SGCD: variants seen among roughly 807,000 people sequenced by gnomAD.
SGCD encodes the protein sarcoglycan delta.
In SGCD, 18 loss-of-function variants were observed where a neutral mutation model predicts 36.6. The observed-to-expected ratio is 0.49, with a 90% CI of 0.34 to 0.73. The LOEUF (loss-of-function observed/expected upper bound fraction) is 0.73. Among genes scored for constraint, SGCD ranks in the 30% least tolerant of loss-of-function variants. The pLI, the probability that SGCD is intolerant of heterozygous loss-of-function variation, is 0.01. For missense variants in SGCD, 387 were observed against 346.7 expected, an observed-to-expected ratio of 1.12 and a Z score of -0.92; for synonymous variants, 133 against 130.6, an observed-to-expected ratio of 1.02 and a Z score of -0.12.
In SGCD at chr5:156,606,952, C is replaced by T. The variant is rs1002052528; in HGVS notation, c.502+11901C>T. On this transcript the variant is annotated intron_variant, in intron 6 of 8. Coordinates refer to ENST00000337851, the MANE Select transcript of SGCD (RefSeq NM_000337.6). ...AGCTTAAGGAGATTTTGGGCTGAGA[C>T]GATGGGGTTTTCTGGATATACAATC... Among the ~76,000 whole-genome samples the T allele has an allele frequency of 1.1e-4, 17 of 152,250 alleles. 1 individual carries two copies. The South Asian group carries it at 3.1e-3, about 28-fold the overall frequency.
At chr5:156,495,979 C>T (rs1193575518) in intron 3 of SGCD, among the ~76,000 whole-genome samples, 1 of 152,122 alleles carries the variant, frequency 6.6e-6, no homozygotes, top group Non-Finnish European at 1.5e-5. Context: ...TCTGAGTGCT[C>T]ATTGGGAGTG....
intron 3 of SGCD, among the ~76,000 whole-genome samples, chr5:156,375,614 A>G (rs987734554): frequency 6.6e-6 from 1 of 152,174 alleles, no homozygotes; most frequent in Admixed American, 6.5e-5. Context: ...GCCGTGGAAA[A>G]TAAAGATGTT....
chr5:156,100,788 C>T (rs1480129036), intron 1 of SGCD, among the ~76,000 whole-genome samples: 1 of 152,120 alleles, frequency 6.6e-6, no homozygotes, highest in Admixed American at 6.6e-5. Context: ...TATTTGAATA[C>T]CTTTGATATT....
At chr5:156,385,429 G>A (rs1470662380) in intron 3 of SGCD, among the ~76,000 whole-genome samples, 2 of 152,192 alleles carry the variant, frequency 1.3e-5, no homozygotes, top group African/African-American at 4.8e-5. Flanking sequence ...CAGGGTGGGG[G>A]AAGCAACATA....
intron 5 of SGCD, among the ~76,000 whole-genome samples, chr5:156,589,708 A>G (rs1379947392): frequency 6.6e-6 from 1 of 152,176 alleles, no homozygotes; most frequent in African/African-American, 2.4e-5. Context: ...AAAGCCAGGG[A>G]CCATACTTTA....
chr5:155,846,553 G>A, the SGCD span, among the ~76,000 whole-genome samples: 2 of 152,076 alleles, frequency 1.3e-5, no homozygotes, highest in Admixed American at 1.3e-4. Context: ...TTCACATTCT[G>A]TTATACTCTG....
At chr5:155,968,127 C>T (rs1438665225) in intron 1 of SGCD, among the ~76,000 whole-genome samples, 3 of 152,058 alleles carry the variant, frequency 2.0e-5, no homozygotes, top group Non-Finnish European at 4.4e-5. Context: ...TCATCACTTT[C>T]TCAGAATTAA....
intron 7 of SGCD, among the ~76,000 whole-genome samples, chr5:156,651,507 C>T (rs1255489888): frequency 6.6e-6 from 1 of 152,018 alleles, no homozygotes; most frequent in East Asian, 1.9e-4. Context: ...CAGTTTTATT[C>T]TTCTGCATGT....
At chr5:156,451,722 C>T (rs1399595699) in intron 3 of SGCD, among the ~76,000 whole-genome samples, 2 of 152,234 alleles carry the variant, frequency 1.3e-5, no homozygotes, top group East Asian at 3.9e-4. Context: ...AATAGTTAAC[C>T]TGATGTGCAG....
At chr5:156,513,431 C>A (rs1757027541) in intron 4 of SGCD, among the ~76,000 whole-genome samples, 1 of 152,142 alleles carries the variant, frequency 6.6e-6, no homozygotes, top group African/African-American at 2.4e-5. Context: ...CTGTAGACTA[C>A]CTCTGGGGGC....
chr5:156,020,035 C>T (rs753196188), intron 1 of SGCD, among the ~76,000 whole-genome samples: 4 of 152,284 alleles, frequency 2.6e-5, no homozygotes, highest in East Asian at 1.9e-4. Flanking sequence ...TCCTCTGCCT[C>T]GAATTCCCTT....
intron 1 of SGCD, among the ~76,000 whole-genome samples, chr5:155,990,721 C>T (rs138463810): frequency 6.6e-6 from 1 of 152,140 alleles, no homozygotes; most frequent in Non-Finnish European, 1.5e-5. Context: ...CTTACTACAT[C>T]AAGTATTCCA....
intron 3 of SGCD, among the ~76,000 whole-genome samples, chr5:156,419,406 C>T (rs1351378619): frequency 6.6e-6 from 1 of 152,142 alleles, no homozygotes; most frequent in Non-Finnish European, 1.5e-5. Context: ...AGCTAAGGAA[C>T]TGGTGTTCTG....
intron 6 of SGCD, among the ~76,000 whole-genome samples, chr5:156,604,773 A>ATATACACATTTTATATGTATATATACATG (rs1181227263): frequency 6.7e-6 from 1 of 148,502 alleles, no homozygotes; most frequent in Non-Finnish European, 1.5e-5. Context: ...ATATATACAT[A>ATATACACATTTTATATGTATATATACATG]TATACACATT....
the SGCD span, among the ~76,000 whole-genome samples, chr5:155,864,246 G>C: frequency 3.9e-5 from 6 of 152,328 alleles, no homozygotes; most frequent in South Asian, 1.2e-3. Flanking sequence ...GAGCGCAGTA[G>C]GCGGTTAGTT....
intron 3 of SGCD, among the ~76,000 whole-genome samples, chr5:156,133,430 C>T (rs182914664): frequency 4.5e-4 from 69 of 152,228 alleles, no homozygotes; most frequent in African/African-American, 1.5e-3. Context: ...TTTCTTCCTA[C>T]TTCCAATAAT....
chr5:155,980,353 A>T (rs1758200104), intron 1 of SGCD, among the ~76,000 whole-genome samples: 1 of 151,944 alleles, frequency 6.6e-6, no homozygotes, highest in Admixed American at 6.6e-5. Flanking sequence ...TGGTAGGCCT[A>T]GGCGGGCGGA....
chr5:155,874,569 A>G (rs1402085813), intron 1 of SGCD, among the ~76,000 whole-genome samples: 1 of 152,150 alleles, frequency 6.6e-6, no homozygotes, highest in Admixed American at 6.6e-5. Flanking sequence ...TTGTAACTCA[A>G]AAAGAGAAGC....
intron 1 of SGCD, among the ~76,000 whole-genome samples, chr5:156,078,888 G>A (rs1760872279): frequency 6.6e-6 from 1 of 151,382 alleles, no homozygotes; most frequent in South Asian, 2.1e-4. Context: ...TTATCACTGT[G>A]TAGGTTCATG....
Sources: allele counts gnomAD v4.1 joint callset (sites outside exome capture counted in the v4.1 genomes callset), GRCh38; gene constraint gnomAD v4.1.1; transcripts MANE v1.5; gene names NCBI Gene and HGNC (gene_info 2026-07-23, HGNC 2026-07-21).